The following MAPKAP1 variants were observed in gnomAD, a reference collection of about 807,000 sequenced individuals.
The protein encoded by MAPKAP1 is MAPK associated protein 1, also known as target of rapamycin complex 2 subunit MAPKAP1.
In MAPKAP1, 20 loss-of-function variants were observed where a neutral mutation model predicts 65.7. The observed-to-expected ratio is 0.30, with a 90% CI of 0.21 to 0.44. The LOEUF (loss-of-function observed/expected upper bound fraction) is 0.44. MAPKAP1 is among the 20% of genes least tolerant of loss of function. MAPKAP1 has a pLI of 1.00. For synonymous variants in MAPKAP1, 222 were observed against 244.3 expected (o/e 0.91, Z 0.85); for missense variants, 423 against 648.0 (o/e 0.65, Z 3.77).
intron 5 of MAPKAP1, among the ~76,000 whole-genome samples, chr9:125,578,403 C>T (rs779282821): frequency 1.1e-4 from 16 of 150,500 alleles, no homozygotes; most frequent in South Asian, 4.2e-4. Flanking sequence ...TCCCCCTCTG[C>T]GAGAAACACC....
intron 4 of MAPKAP1, among the ~76,000 whole-genome samples, chr9:125,609,273 A>C (rs1832529352): frequency 6.6e-6 from 1 of 152,164 alleles, no homozygotes; most frequent in African/African-American, 2.4e-5. Flanking sequence ...TCCTTCCCCT[A>C]AAGTACCCAA....
chr9:125,490,824 A>C (rs1854681508), intron 8 of MAPKAP1, among the ~76,000 whole-genome samples: 1 of 152,130 alleles, frequency 6.6e-6, no homozygotes, highest in African/African-American at 2.4e-5. Context: ...TAATAAAATA[A>C]TGACACTCTT....
chr9:125,693,632 TATACACACACATATACACGTATAC>T (rs1159968079), intron 1 of MAPKAP1, among the ~76,000 whole-genome samples: 17 of 145,112 alleles, frequency 1.2e-4, no homozygotes, highest in Non-Finnish European at 1.9e-4. Flanking sequence ...TATATACACA[TATACACACACATATACACGTATAC>T]ATACACACAC....
At chr9:125,576,186 A>G (rs889088915) in intron 5 of MAPKAP1, among the ~76,000 whole-genome samples, 11 of 152,224 alleles carry the variant, frequency 7.2e-5, no homozygotes, top group African/African-American at 2.7e-4. Context: ...GGTAGGGTTG[A>G]ATAGATGGAG....
Position 125,654,297 on chromosome 9 carries a change from G to A in MAPKAP1, c.498+3354C>T, listed in dbSNP as rs75191617. 4.8e-4 allele frequency among the ~76,000 whole-genome samples: 73 copies of A among 152,272 alleles called. 1 individual carries two copies. The East Asian group carries it at 0.012, about 26-fold the overall frequency. ...AGAATAGAGGTTTTGTGTTGTTAAC[G>A]AGGCTATTCAGAGGTTCCGTTCTCA... On this transcript the variant is annotated intron_variant, in intron 4 of 11. Transcript: ENST00000265960.
At chr9:125,665,948 G>C (rs1264425399) in intron 3 of MAPKAP1, among the ~76,000 whole-genome samples, 1 of 152,204 alleles carries the variant, frequency 6.6e-6, no homozygotes, top group Non-Finnish European at 1.5e-5. Flanking sequence ...TTCTTGAGGA[G>C]AGGATTCATG....
chr9:125,592,433 A>G (rs1220448071), intron 4 of MAPKAP1, among the ~76,000 whole-genome samples: 3 of 152,222 alleles, frequency 2.0e-5, no homozygotes, highest in Admixed American at 6.5e-5. Flanking sequence ...TGTATTTTCT[A>G]TAATAGACAT....
At chr9:125,532,110 C>A (rs1018644805) in intron 7 of MAPKAP1, among the ~76,000 whole-genome samples, 1 of 152,022 alleles carries the variant, frequency 6.6e-6, no homozygotes, top group Non-Finnish European at 1.5e-5. Flanking sequence ...GAAAAAAAAA[C>A]ATTGGGCTCA....
intron 3 of MAPKAP1, among the ~76,000 whole-genome samples, chr9:125,667,285 A>C (rs1472909880): frequency 6.6e-6 from 1 of 152,202 alleles, no homozygotes; most frequent in African/African-American, 2.4e-5. Flanking sequence ...ACATTGTAAA[A>C]GGGACTGATG....
intron 7 of MAPKAP1, chr9:125,521,447 T>C: frequency 8.6e-7 from 1 of 1,158,804 alleles, no homozygotes; most frequent in Non-Finnish European, 1.1e-6. Flanking sequence ...TATCTGTTGC[T>C]CTGTAAAGAA....
At chr9:125,555,677 G>A (rs1830715924) in intron 6 of MAPKAP1, among the ~76,000 whole-genome samples, 2 of 152,214 alleles carry the variant, frequency 1.3e-5, no homozygotes, top group South Asian at 4.1e-4. Flanking sequence ...GAAGCCCTGT[G>A]CTGGGTGCTC....
chr9:125,610,081 A>G (rs909334275), intron 4 of MAPKAP1, among the ~76,000 whole-genome samples: 2 of 152,250 alleles, frequency 1.3e-5, no homozygotes, highest in African/African-American at 4.8e-5. Flanking sequence ...ATATATTTGA[A>G]AAGCTTTTTT....
intron 4 of MAPKAP1, among the ~76,000 whole-genome samples, chr9:125,637,655 T>C (rs955444046): frequency 2.6e-5 from 4 of 152,258 alleles, no homozygotes; most frequent in Admixed American, 2.0e-4. Flanking sequence ...CTCCTCTCTG[T>C]TTCTTAGTTT....
intron 4 of MAPKAP1, among the ~76,000 whole-genome samples, chr9:125,610,528 AAC>A (rs1832567638): frequency 6.6e-6 from 1 of 152,172 alleles, no homozygotes; most frequent in Non-Finnish European, 1.5e-5. Context: ...GGCTATAGGG[AAC>A]AGTCTATCTA....
chr9:125,609,559 T>A (rs1406535180), intron 4 of MAPKAP1, among the ~76,000 whole-genome samples: 1 of 152,166 alleles, frequency 6.6e-6, no homozygotes, highest in Non-Finnish European at 1.5e-5. Flanking sequence ...GTTGCCCAGG[T>A]TGGTCTTGAA....
intron 9 of MAPKAP1, among the ~76,000 whole-genome samples, chr9:125,483,864 CATG>C (rs559571340): frequency 4.1e-4 from 63 of 151,850 alleles, no homozygotes; most frequent in Non-Finnish European, 7.5e-4. Flanking sequence ...AAAAGGCAGC[CATG>C]ATGATGATGA....
chr9:125,440,700 AGTACAGAAG>A (rs1429621560), intron 11 of MAPKAP1, among the ~76,000 whole-genome samples: 5 of 152,232 alleles, frequency 3.3e-5, no homozygotes, highest in African/African-American at 1.2e-4. Context: ...CTGGTGCGTG[AGTACAGAAG>A]GCCTGACACG....
chr9:125,562,712 A>C (rs1448245988), intron 5 of MAPKAP1, among the ~76,000 whole-genome samples: 1 of 152,260 alleles, frequency 6.6e-6, no homozygotes, highest in East Asian at 1.9e-4. Flanking sequence ...GACACTCTGC[A>C]AAGCGGCTTA....
At chr9:125,484,612 A>C in intron 8 of MAPKAP1, 29 bp from the exon 9 acceptor site, 1 of 1,590,282 alleles carries the variant, frequency 6.3e-7, no homozygotes, top group Non-Finnish European at 8.6e-7. Context: ...TTTAACACAT[A>C]AAGATACATG....
Sources: gnomAD v4.1 joint callset for allele counts (sites outside exome capture counted in the v4.1 genomes callset) on GRCh38, gnomAD v4.1.1 for gene constraint, MANE v1.5 for transcripts, NCBI Gene and HGNC (gene_info 2026-07-23, HGNC 2026-07-21) for gene names.